Variants in PLPPR5 observed in about 807,000 individuals in gnomAD.
PLPPR5 encodes phospholipid phosphatase related 5.
In PLPPR5, 16 loss-of-function variants were observed where a neutral mutation model predicts 33.9. That is an observed-to-expected ratio of 0.47 (90% CI 0.32 to 0.72). The LOEUF is 0.72. Ranked by LOEUF, PLPPR5 falls within the 30% of genes least tolerant of loss-of-function variation. PLPPR5 has a pLI of 0.03. For missense variants in PLPPR5, 301 were observed against 406.7 expected, an observed-to-expected ratio of 0.74 and a Z score of 2.23; for synonymous variants, 163 against 150.3, an observed-to-expected ratio of 1.08 and a Z score of -0.62.
intron 3 of PLPPR5, among the ~76,000 whole-genome samples, chr1:98,952,257 C>T (rs1334938017): frequency 4.7e-5 from 4 of 85,112 alleles, no homozygotes; most frequent in Non-Finnish European, 6.5e-5. Context: ...AGCGAGACTC[C>T]GTCTCAGAAA....
chr1:98,935,776 C>T (rs576529948), intron 3 of PLPPR5, among the ~76,000 whole-genome samples: 1 of 152,264 alleles, frequency 6.6e-6, no homozygotes, highest in South Asian at 2.1e-4. Context: ...TGATTACTTG[C>T]TCACTCTTTA....
chr1:98,947,267 C>T (rs1650590403), intron 3 of PLPPR5, among the ~76,000 whole-genome samples: 1 of 152,164 alleles, frequency 6.6e-6, no homozygotes. Context: ...TTTGGCAACA[C>T]TGGTGATCTC....
intron 5 of PLPPR5, among the ~76,000 whole-genome samples, chr1:98,906,417 G>A (rs1648905416): frequency 1.3e-5 from 2 of 151,964 alleles, no homozygotes; most frequent in South Asian, 4.1e-4. Context: ...CCACAGGTTG[G>A]GGGCAGGTTG....
At chr1:98,942,808 C>T (rs1463603656) in intron 3 of PLPPR5, among the ~76,000 whole-genome samples, 3 of 152,174 alleles carry the variant, frequency 2.0e-5, no homozygotes, top group African/African-American at 7.2e-5. Flanking sequence ...GGGTGGACAC[C>T]TCATTCACTG....
intron 3 of PLPPR5, among the ~76,000 whole-genome samples, chr1:98,942,993 C>G (rs1270868800): frequency 6.6e-6 from 1 of 152,158 alleles, no homozygotes; most frequent in South Asian, 2.1e-4. Context: ...TGGGCTTAAC[C>G]ACCACAAGCC....
intron 1 of PLPPR5, among the ~76,000 whole-genome samples, chr1:98,967,750 A>G (rs1444173313): frequency 6.6e-6 from 1 of 152,146 alleles, no homozygotes; most frequent in African/African-American, 2.4e-5. Context: ...TTGTTATAAC[A>G]TTCATAGTAA....
intron 5 of PLPPR5, among the ~76,000 whole-genome samples, chr1:98,894,813 A>G (rs1270582126): frequency 6.6e-6 from 1 of 152,096 alleles, no homozygotes; most frequent in Non-Finnish European, 1.5e-5. Flanking sequence ...AATTAAATAC[A>G]CATTAAAGGA....
At chr1:98,909,342 T>C (rs1013455114) in intron 5 of PLPPR5, among the ~76,000 whole-genome samples, 1 of 150,946 alleles carries the variant, frequency 6.6e-6, no homozygotes, top group African/African-American at 2.4e-5. Flanking sequence ...TTTTCTTTGT[T>C]TCTCTCATCC....
At chr1:98,972,130 C>T (rs1651684331) in intron 1 of PLPPR5, among the ~76,000 whole-genome samples, 1 of 152,066 alleles carries the variant, frequency 6.6e-6, no homozygotes, top group South Asian at 2.1e-4. Flanking sequence ...CAGGGATCCT[C>T]ATTTAGCAGC....
At chr1:98,943,096 A>T (rs753880689) in intron 3 of PLPPR5, among the ~76,000 whole-genome samples, 40 of 152,206 alleles carry the variant, frequency 2.6e-4, no homozygotes, top group Non-Finnish European at 5.0e-4. Context: ...TTTATAGAAC[A>T]TAGCATCCCT....
At chr1:98,923,273 T>C (rs1649637980) in intron 3 of PLPPR5, among the ~76,000 whole-genome samples, 1 of 152,226 alleles carries the variant, frequency 6.6e-6, no homozygotes, top group South Asian at 2.1e-4. Flanking sequence ...TTTCAAGTCA[T>C]GAGTAGAGCA....
intron 1 of PLPPR5, among the ~76,000 whole-genome samples, chr1:98,964,569 G>A (rs1045101051): frequency 7.9e-5 from 12 of 152,238 alleles, no homozygotes; most frequent in Middle Eastern, 3.4e-3. Context: ...CCCTTACCTC[G>A]TTTCTCTTAC....
At chr1:98,953,349 T>TG (rs1650859179) in intron 2 of PLPPR5, 29 bp from the exon 3 acceptor site, 2 of 1,536,060 alleles carry the variant, frequency 1.3e-6, no homozygotes, top group African/African-American at 3.2e-5. Flanking sequence ...AATTTTAACT[T>TG]CTTGCTTGTG....
intron 1 of PLPPR5, among the ~76,000 whole-genome samples, chr1:98,973,960 GGA>G (rs1434730237): frequency 6.6e-6 from 1 of 151,978 alleles, no homozygotes; most frequent in Non-Finnish European, 1.5e-5. Flanking sequence ...AGCGGAGACT[GGA>G]GAGAGGAGGT....
At chr1:99,005,173 G>T (rs913564533), upstream of PLPPR5, 1 of 151,586 alleles carries the variant, frequency 6.6e-6, no homozygotes, top group Non-Finnish European at 1.5e-5. Context: ...ATCAAAAGGG[G>T]GGGAGGGGAG....
At chr1:98,945,502 T>C (rs1399154473) in intron 3 of PLPPR5, among the ~76,000 whole-genome samples, 1 of 152,158 alleles carries the variant, frequency 6.6e-6, no homozygotes, top group Non-Finnish European at 1.5e-5. Flanking sequence ...CAGGAGGTAG[T>C]GTGATGTAAA....
intron 1 of PLPPR5, among the ~76,000 whole-genome samples, chr1:98,985,980 G>A (rs1006511635): frequency 6.6e-5 from 10 of 152,008 alleles, no homozygotes; most frequent in Non-Finnish European, 1.2e-4. Flanking sequence ...TCAATGGCTA[G>A]TTTGTTTAAG....
chr1:98,946,276 T>C (rs1274875439), intron 3 of PLPPR5, among the ~76,000 whole-genome samples: 2 of 152,222 alleles, frequency 1.3e-5, no homozygotes, highest in Admixed American at 6.5e-5. Context: ...GTAGAGACTT[T>C]ATGCATTCTA....
At chr1:98,903,439 A>G (rs1648775729) in intron 5 of PLPPR5, among the ~76,000 whole-genome samples, 1 of 152,164 alleles carries the variant, frequency 6.6e-6, no homozygotes, top group Non-Finnish European at 1.5e-5. Context: ...GGAATTTATC[A>G]CAGGGAACAC....
Sources: gnomAD v4.1 joint callset for allele counts (sites outside exome capture counted in the v4.1 genomes callset) on GRCh38, gnomAD v4.1.1 for gene constraint, MANE v1.5 for transcripts, NCBI Gene and HGNC (gene_info 2026-07-23, HGNC 2026-07-21) for gene names.